MCTP1: variants seen among roughly 807,000 people sequenced by gnomAD.
The protein encoded by MCTP1 is multiple C2 and transmembrane domain-containing protein 1.
A neutral mutation model predicts 120.6 loss-of-function variants in MCTP1; 69 were observed. The ratio of observed to expected loss-of-function variants is 0.57; its 90% CI spans 0.47 to 0.70. MCTP1 has a LOEUF of 0.70. Among genes scored for constraint, MCTP1 ranks in the 30% least tolerant of loss-of-function variants. MCTP1 has a pLI of 0.00. For missense variants in MCTP1, 1,203 were observed against 1,248.8 expected (o/e 0.96, Z 0.55); for synonymous variants, 529 against 493.1 (o/e 1.07, Z -0.96).
intron 17 of MCTP1, among the ~76,000 whole-genome samples, chr5:94,812,576 C>T (rs937747249): frequency 2.7e-5 from 4 of 150,180 alleles, no homozygotes; most frequent in South Asian, 2.1e-4. Flanking sequence ...AGCACAATAA[C>T]GTAAAATGAA....
At chr5:94,737,036 G>A (rs1764428366) in intron 19 of MCTP1, among the ~76,000 whole-genome samples, 1 of 152,162 alleles carries the variant, frequency 6.6e-6, no homozygotes, top group South Asian at 2.1e-4. Context: ...AACTCAGGCT[G>A]CAGTGCCGTG....
At chr5:95,235,268 A>G (rs1388897560) in intron 1 of MCTP1, among the ~76,000 whole-genome samples, 3 of 151,858 alleles carry the variant, frequency 2.0e-5, no homozygotes, top group Admixed American at 1.3e-4. Flanking sequence ...ATCAGCATTT[A>G]TTCCTGATAA....
At chr5:95,215,381 T>G (rs1285613191) in intron 1 of MCTP1, among the ~76,000 whole-genome samples, 1 of 152,200 alleles carries the variant, frequency 6.6e-6, no homozygotes, top group Non-Finnish European at 1.5e-5. Context: ...CTGATTTCCT[T>G]CCCTTTCTGT....
chr5:94,731,545 G>T (rs538502195), intron 19 of MCTP1, among the ~76,000 whole-genome samples: 1 of 152,234 alleles, frequency 6.6e-6, no homozygotes, highest in Non-Finnish European at 1.5e-5. Flanking sequence ...TGTAATGTCA[G>T]ATATACACAA....
chr5:94,846,199 C>A (rs1374335665), intron 17 of MCTP1, among the ~76,000 whole-genome samples: 1 of 152,102 alleles, frequency 6.6e-6, no homozygotes, highest in African/African-American at 2.4e-5. Flanking sequence ...GACATATGCA[C>A]ATGTATGCTC....
intron 2 of MCTP1, among the ~76,000 whole-genome samples, chr5:95,004,558 GC>G (rs1834311427): frequency 6.6e-6 from 1 of 152,222 alleles, no homozygotes. Context: ...GCTTCTCTGT[GC>G]CACCTCAGGA....
intron 17 of MCTP1, among the ~76,000 whole-genome samples, chr5:94,814,240 CAAAT>C (rs557540618): frequency 6.6e-6 from 1 of 152,064 alleles, no homozygotes; most frequent in African/African-American, 2.4e-5. Flanking sequence ...ACACAATACA[CAAAT>C]AAATAAATAA....
intron 1 of MCTP1, among the ~76,000 whole-genome samples, chr5:95,199,906 A>G (rs113234015): frequency 0.014 from 2,142 of 151,392 alleles, 61 homozygotes; most frequent in African/African-American, 0.048. Flanking sequence ...CATGCCTGTA[A>G]CCCCAGCACT....
intron 19 of MCTP1, among the ~76,000 whole-genome samples, chr5:94,771,461 T>G (rs1394599): frequency 0.044 from 6,629 of 152,250 alleles, 154 homozygotes; most frequent in Middle Eastern, 0.058. Context: ...ACCATGAATT[T>G]CTTCTCTATT....
intron 1 of MCTP1, among the ~76,000 whole-genome samples, chr5:95,027,047 C>T (rs1039908039): frequency 6.6e-6 from 1 of 152,068 alleles, no homozygotes; most frequent in Non-Finnish European, 1.5e-5. Context: ...TTTTTAAAAC[C>T]TAATTTTCAA....
intron 1 of MCTP1, among the ~76,000 whole-genome samples, chr5:95,200,631 T>A (rs1301203472): frequency 6.6e-6 from 1 of 152,188 alleles, no homozygotes; most frequent in Non-Finnish European, 1.5e-5. Context: ...CTCACTTGTA[T>A]GTGGAATCTT....
chr5:95,081,156 A>C (rs1429675258), intron 1 of MCTP1, among the ~76,000 whole-genome samples: 1 of 152,210 alleles, frequency 6.6e-6, no homozygotes, highest in African/African-American at 2.4e-5. Context: ...AAACAAAAAA[A>C]ACAAACCAAT....
At chr5:94,836,176 TCTC>T (rs1789705419) in intron 17 of MCTP1, among the ~76,000 whole-genome samples, 2 of 58,904 alleles carry the variant, frequency 3.4e-5, no homozygotes, top group Non-Finnish European at 6.0e-5. Context: ...CAAGACTCCG[TCTC>T]AAAAAAAAAA....
intron 17 of MCTP1, among the ~76,000 whole-genome samples, chr5:94,843,259 T>A (rs1416587093): frequency 6.6e-6 from 1 of 152,074 alleles, no homozygotes. Flanking sequence ...ACAGACACGT[T>A]CACAAAGAAT....
intron 11 of MCTP1, among the ~76,000 whole-genome samples, chr5:94,892,215 C>G (rs908294197): frequency 1.3e-5 from 2 of 152,168 alleles, no homozygotes; most frequent in African/African-American, 4.8e-5. Flanking sequence ...AGCCTTATGA[C>G]TCGCTGTCAT....
At chr5:95,266,703 G>A (rs1434764724) in intron 1 of MCTP1, among the ~76,000 whole-genome samples, 1 of 152,180 alleles carries the variant, frequency 6.6e-6, no homozygotes, top group Non-Finnish European at 1.5e-5. Context: ...ATGGTTGGAT[G>A]CTTAAAGCAG....
Position 95,129,647 on chromosome 5 carries a change from G to A in MCTP1, c.721-112163C>T, listed in dbSNP as rs548163087. On this transcript the variant is annotated intron_variant, in intron 1 of 22. Transcript: ENST00000515393. The stretch of plus-strand genomic sequence containing the variant: ...TTGAGGGCTCAGAGAGAACAAAAAG[G>A]CAGAGGATGGGCACATTTTCTTTTT... Among the ~76,000 whole-genome samples the A allele has an allele frequency of 5.3e-5, 8 of 151,568 alleles. No individual in the cohort carries two copies. In the East Asian group the frequency reaches 1.6e-3, roughly 30 times the overall value.
chr5:95,214,324 C>T (rs1226706798), intron 1 of MCTP1, among the ~76,000 whole-genome samples: 12 of 152,104 alleles, frequency 7.9e-5, no homozygotes, highest in Non-Finnish European at 1.6e-4. Flanking sequence ...GATACCATCT[C>T]ACACCAGTTA....
At chr5:95,095,117 G>A (rs550413946) in intron 1 of MCTP1, among the ~76,000 whole-genome samples, 71 of 135,930 alleles carry the variant, frequency 5.2e-4, no homozygotes, top group African/African-American at 1.8e-3. Context: ...TCTGCCTCCC[G>A]GGTTCACGCC....
Sources: gnomAD v4.1 joint callset for allele counts (sites outside exome capture counted in the v4.1 genomes callset) on GRCh38, gnomAD v4.1.1 for gene constraint, MANE v1.5 for transcripts, NCBI Gene and HGNC (gene_info 2026-07-23, HGNC 2026-07-21) for gene names.